Variants in FLOT2 observed in about 807,000 individuals in gnomAD.
FLOT2 encodes flotillin 2.
FLOT2 carries 35 observed loss-of-function variants against 54.9 expected under a neutral mutation model. The ratio of observed to expected loss-of-function variants is 0.64; its 90% CI spans 0.49 to 0.84. The LOEUF (loss-of-function observed/expected upper bound fraction) is 0.84. Ranked by LOEUF, FLOT2 falls within the 40% of genes least tolerant of loss-of-function variation. The pLI, the probability that FLOT2 is intolerant of heterozygous loss-of-function variation, is 0.00. For missense variants in FLOT2, 464 were observed against 572.1 expected (o/e 0.81, Z 1.93); for synonymous variants, 207 against 228.9 (o/e 0.90, Z 0.86).
At chr17:28,890,082 C>T (rs1479989520) in intron 1 of FLOT2, among the ~76,000 whole-genome samples, 3 of 152,162 alleles carry the variant, frequency 2.0e-5, no homozygotes, top group Non-Finnish European at 4.4e-5. Context: ...CCAACCAAGG[C>T]GAGAGGGTTT....
chr17:28,882,990 A>G lies in FLOT2; in HGVS notation c.346+118T>C. 9.2e-7 allele frequency: 1 copy of G among 1,087,390 alleles called. No individual in the cohort carries two copies. The highest frequency in any genetic ancestry group is 1.5e-5 in the South Asian group (1 of 66,782). The allele number at this position is 1,087,390 out of a possible 1,614,324, so 67.4% of individuals were successfully genotyped here. ...CTGAAGTTTTGAAATTAAATATTTG[A>G]GGAAAAGTGTTTTAGCTTGAAACTC... is the stretch of plus-strand genomic sequence containing the variant. On this transcript the variant is annotated intron_variant, in intron 4 of 10. Transcript: ENST00000394908. The surrounding 1 kb of genome is among the most constrained non-coding windows in gnomAD (Gnocchi z 5.6).
At chr17:28,888,406 C>T (rs747486628) in intron 2 of FLOT2, among the ~76,000 whole-genome samples, 27 of 152,178 alleles carry the variant, frequency 1.8e-4, no homozygotes, top group Admixed American at 1.2e-3. Flanking sequence ...TCAGCCCCAG[C>T]ACTAATTCGT....
chr17:28,888,169 C>A (rs1436756865), intron 2 of FLOT2, among the ~76,000 whole-genome samples: 1 of 152,210 alleles, frequency 6.6e-6, no homozygotes, highest in Admixed American at 6.5e-5. Flanking sequence ...CCCTCCCCAC[C>A]GCCCCATCTC....
Position 28,880,230 on chromosome 17 carries a change from C to CA in FLOT2, c.*330dup. 1 of 1,184,538 alleles carries CA rather than the reference C, an allele frequency of 8.4e-7. No homozygotes were observed. The highest frequency in any genetic ancestry group is 1.1e-6 in the Non-Finnish European group (1 of 950,372). 73.4% of individuals were successfully genotyped at this position (1,184,538 alleles called of 1,614,324 possible). ...TCTGAGGAGCAGCAGGGCCACCCCC[C>CA]ACAGAGAGTGATTGTAATAAACATC... On this transcript the variant is annotated 3_prime_UTR_variant, in exon 11 of 11. Coordinates refer to ENST00000394908, the MANE Select transcript of FLOT2 (RefSeq NM_004475.3).
In FLOT2 at chr17:28,879,947, G is replaced by C. The variant is rs1598085982; in HGVS notation, c.*614C>G. 1 of 987,156 alleles carries C rather than the reference G, an allele frequency of 1.0e-6. No individual in the cohort carries two copies. Among genetic ancestry groups the C allele is most frequent in the East Asian group, 1.1e-4 (1 of 8,832 alleles). The allele number at this position is 987,156 out of a possible 1,614,324, so 61.1% of individuals were successfully genotyped here. ...CTTGGGGTCAGGGAGAAAGGACAGGGTATGAGCGCTGGCTGGGGCCTTGGG... is the reference window on the plus strand; with the variant it reads ...CTTGGGGTCAGGGAGAAAGGACAGGCTATGAGCGCTGGCTGGGGCCTTGGG... On this transcript the variant is annotated 3_prime_UTR_variant, in exon 11 of 11. Coordinates refer to ENST00000394908, the MANE Select transcript of FLOT2 (RefSeq NM_004475.3).
chr17:28,886,762 G>A (rs2039553228), intron 2 of FLOT2, among the ~76,000 whole-genome samples: 1 of 152,192 alleles, frequency 6.6e-6, no homozygotes, highest in Non-Finnish European at 1.5e-5. Context: ...AGAGGACAGA[G>A]GCCGAGGGTG....
In FLOT2 at chr17:28,882,480, A is replaced by G. The variant is rs1426521209; in HGVS notation, c.466-30T>C. 1 of 1,606,704 alleles carries G rather than the reference A, an allele frequency of 6.2e-7. No homozygotes were observed. Among genetic ancestry groups the G allele is most frequent in the East Asian group, 2.2e-5 (1 of 44,862 alleles). On this transcript the variant is annotated intron_variant, in intron 5 of 10. Transcript: ENST00000394908. The surrounding 1 kb of genome is among the most constrained non-coding windows in gnomAD (Gnocchi z 5.6). ...GGAGGGAAGGGGGTATCAGAGGCTC[A>G]AAGGAGCAGCCAGAGGCACAAAGGT...
intron 2 of FLOT2, chr17:28,885,694 G>A (rs764127493): frequency 5.0e-5 from 36 of 718,572 alleles, no homozygotes; most frequent in Admixed American, 3.6e-4. Context: ...ACCTGGGGAT[G>A]TACAGGGATC....
intron 2 of FLOT2, among the ~76,000 whole-genome samples, chr17:28,887,131 G>A (rs980338475): frequency 1.3e-5 from 2 of 152,056 alleles, no homozygotes; most frequent in Non-Finnish European, 2.9e-5. Context: ...TCAGGGCCTC[G>A]GGATAGTATA....
In FLOT2 at chr17:28,881,842, G is replaced by T. The variant is rs775177962; in HGVS notation, c.886C>A (p.Arg296Ser). The T allele has an allele frequency of 1.2e-6, 2 of 1,613,542 alleles. No homozygotes were observed. The highest frequency in any genetic ancestry group is 1.7e-5 in the Admixed American group (1 of 60,028). ...VRRPAEAEAH[R>S]IQQIAEGEKV... Reference sequence around the variant, plus strand: ...TCACCCTCGGCAATCTGCTGGATGCGGTGGGCCTCGGCCTCGGCAGGCCGG... The same window carrying T: ...TCACCCTCGGCAATCTGCTGGATGCTGTGGGCCTCGGCCTCGGCAGGCCGG... Residue 296 changes from arginine (R) to serine (S), a missense_variant, in exon 8 of 11, where the codon CGC becomes AGC. Arg to Ser is a moderately radical substitution (Grantham distance 110). Transcript: ENST00000394908.
chr17:28,890,272 T>C (rs1005831126), intron 1 of FLOT2, among the ~76,000 whole-genome samples: 1 of 152,228 alleles, frequency 6.6e-6, no homozygotes, highest in African/African-American at 2.4e-5. Flanking sequence ...GAAGTGGTTC[T>C]TGGAAACAGT....
rs1221383766 is a variant in FLOT2 at position 28,881,189 on chromosome 17, C to T, written c.1098+3G>A. The stretch of plus-strand genomic sequence containing the variant: ...CTAGGACCCGCTTGGGTGGAAGCCT[C>T]ACCTGGGGCAGGGCCTCTAGCACCA... On this transcript the variant is annotated splice_donor_region_variant and intron_variant, in intron 9 of 10. Transcript: ENST00000394908. 1 of 1,612,528 alleles carries T rather than the reference C, an allele frequency of 6.2e-7. No homozygotes were observed. The highest frequency in any genetic ancestry group is 8.5e-7 in the Non-Finnish European group (1 of 1,179,280).
At chr17:28,887,429 C>T (rs1044512065) in intron 2 of FLOT2, among the ~76,000 whole-genome samples, 1 of 152,218 alleles carries the variant, frequency 6.6e-6, no homozygotes, top group Admixed American at 6.5e-5. Flanking sequence ...GACTACCCAG[C>T]AAGTGAGACC....
At chr17:28,887,341 G>A (rs953846503) in intron 2 of FLOT2, among the ~76,000 whole-genome samples, 5 of 152,130 alleles carry the variant, frequency 3.3e-5, no homozygotes, top group African/African-American at 4.8e-5. Flanking sequence ...CTGTGGAGGC[G>A]TCCCCCAAGC....
chr17:28,888,037 C>T (rs1317682997), intron 2 of FLOT2, among the ~76,000 whole-genome samples: 1 of 152,194 alleles, frequency 6.6e-6, no homozygotes, highest in Non-Finnish European at 1.5e-5. Context: ...GGGGATGGGG[C>T]AGAGGGGGTT....
Position 28,881,955 on chromosome 17 carries a change from T to C in FLOT2, c.773A>G (p.Glu258Gly). ...EQQKIRQEEI[E>G]IEVVQRKKQI... ...TTTCTTGCGCTGCACAACCTCAATC[T>C]CAATCTCTTCCTGCCGGATCTTCTG... The change falls in exon 8 of 11, where the codon GAG (glutamate) becomes GGG (glycine). Residue 258 changes from glutamate (E) to glycine (G), a missense_variant. Transcript: ENST00000394908. The C allele has an allele frequency of 6.2e-7, 1 of 1,614,062 alleles. No individual in the cohort carries two copies. Among genetic ancestry groups the C allele is most frequent in the South Asian group, 1.1e-5 (1 of 91,090 alleles).
intron 2 of FLOT2, chr17:28,885,860 T>C: frequency 1.9e-6 from 3 of 1,543,322 alleles, no homozygotes; most frequent in Non-Finnish European, 2.6e-6. Flanking sequence ...TTATTACCTG[T>C]GCAACCCCTG....
chr17:28,891,741 T>C (rs2039655350), intron 1 of FLOT2, among the ~76,000 whole-genome samples: 1 of 152,276 alleles, frequency 6.6e-6, no homozygotes, highest in African/African-American at 2.4e-5. Context: ...CTGTAGAGTC[T>C]GGGTTTGGGT....
In FLOT2 at chr17:28,886,058, C is replaced by CGGGG. The variant is rs57069941; in HGVS notation, c.132-1747_132-1744dup. On this transcript the variant is annotated intron_variant, in intron 2 of 10. Transcript: ENST00000394908. Reference sequence around the variant, plus strand: ...AGCACCGATGCCTGACGCCTGGGGGCGGGGGGGGGCATGCTGTCAGTAATC... The same window carrying CGGGG: ...AGCACCGATGCCTGACGCCTGGGGGCGGGGGGGGGGGGGCATGCTGTCAGTAATC... 28 of 475,462 alleles carry CGGGG rather than the reference C, an allele frequency of 5.9e-5. 2 individuals are homozygous for CGGGG. Among genetic ancestry groups the CGGGG allele is most frequent in the South Asian group, 1.6e-4 (7 of 43,350 alleles). The allele number at this position is 475,462 out of a possible 1,614,324, so 29.5% of individuals were successfully genotyped here. A position where few individuals can be genotyped will look rare whatever the true frequency, so the allele number is the denominator to read the frequency against.
Sources: gnomAD v4.1 joint callset for allele counts (sites outside exome capture counted in the v4.1 genomes callset) on GRCh38, gnomAD v4.1.1 for gene constraint, Gnocchi (gnomAD v3.1) non-coding constraint, MANE v1.5 for transcripts, NCBI Gene and HGNC (gene_info 2026-07-23, HGNC 2026-07-21) for gene names.